Variants in YY1 observed in about 807,000 individuals in gnomAD.
YY1 encodes the protein transcriptional repressor protein YY1.
YY1 carries 2 observed loss-of-function variants against 35.6 expected under a neutral mutation model. The ratio of observed to expected loss-of-function variants is 0.06; its 90% CI spans 0.02 to 0.18. The LOEUF (loss-of-function observed/expected upper bound fraction) is 0.18, where lower values mean the gene tolerates loss of function less well. Ranked by LOEUF, YY1 falls within the 10% of genes least tolerant of loss-of-function variation. The pLI, the probability that YY1 is intolerant of heterozygous loss-of-function variation, is 1.00. For missense variants in YY1, 322 were observed against 573.4 expected, an observed-to-expected ratio of 0.56 and a Z score of 4.48; for synonymous variants, 268 against 238.9, an observed-to-expected ratio of 1.12 and a Z score of -1.12.
chr14:100,252,361 C>T (rs1314844386), intron 1 of YY1, among the ~76,000 whole-genome samples: 1 of 152,206 alleles, frequency 6.6e-6, no homozygotes, highest in Non-Finnish European at 1.5e-5. Flanking sequence ...CTTATTTATA[C>T]AATACCTTTA....
At chr14:100,271,211 C>T (rs1014464901) in intron 2 of YY1, among the ~76,000 whole-genome samples, 7 of 152,124 alleles carry the variant, frequency 4.6e-5, no homozygotes, top group African/African-American at 1.4e-4. Flanking sequence ...TGCGCCACTG[C>T]ACTCCAGCCT....
rs1051104709 is a variant in YY1 at position 100,276,891 on chromosome 14, G to A, written c.1062+243G>A. On this transcript the variant is annotated intron_variant, in intron 4 of 4. Transcript: ENST00000262238. This position sits in a 1 kb window ranked among gnomAD's most constrained non-coding sequence, Gnocchi z 4.1. ...TGGTGTTGATGGAGTACACTTTATG[G>A]CAGGAGGAGAACAGGATTGAAGAGC... 5.3e-6 allele frequency: 3 copies of A among 561,790 alleles called. No homozygotes were observed. In the East Asian group the frequency reaches 9.4e-5, roughly 18 times the overall value. The allele number at this position is 561,790 out of a possible 1,614,324, so 34.8% of individuals were successfully genotyped here. A position where few individuals can be genotyped will look rare whatever the true frequency, so the allele number is the denominator to read the frequency against.
At position 100,278,580 on chromosome 14, in the gene YY1, G is replaced by A. The variant is rs991453804; in HGVS notation, c.*980G>A. ...TTGGAAGCTAAATAAAGCAACTCAA[G>A]TTTCCTTTATTTTGCACTCAATTAC... On this transcript the variant is annotated 3_prime_UTR_variant, in exon 5 of 5. Transcript: ENST00000262238. 4.6e-5 allele frequency: 7 copies of A among 152,192 alleles called. No individual in the cohort carries two copies. The highest frequency in any genetic ancestry group is 1.4e-4 in the African/African-American group (6 of 41,450). The allele number at this position is 152,192 out of a possible 1,614,324, so 9.4% of individuals were successfully genotyped here.
chr14:100,277,244 G>T lies in YY1; in HGVS notation c.1063-174G>T. On this transcript the variant is annotated intron_variant, in intron 4 of 4. Transcript: ENST00000262238. This position sits in a 1 kb window ranked among gnomAD's most constrained non-coding sequence, Gnocchi z 5.6. ...GTGAGGGCTCTCCTTGGGTTTTCGG[G>T]GTTGTCCAACCTGCCTGCTGATTCT... The T allele has an allele frequency of 1.3e-6, 1 of 797,440 alleles. No homozygotes were observed. Among genetic ancestry groups the T allele is most frequent in the East Asian group, 2.7e-5 (1 of 37,484 alleles). The allele number at this position is 797,440 out of a possible 1,614,324, so 49.4% of individuals were successfully genotyped here.
chr14:100,268,572 C>G (rs1051678616), intron 2 of YY1, among the ~76,000 whole-genome samples: 1 of 152,132 alleles, frequency 6.6e-6, no homozygotes, highest in Non-Finnish European at 1.5e-5. Flanking sequence ...ACTACTTACC[C>G]TGAGACTTTC....
chr14:100,268,967 A>T (rs1328400236), intron 2 of YY1, among the ~76,000 whole-genome samples: 1 of 152,236 alleles, frequency 6.6e-6, no homozygotes, highest in Non-Finnish European at 1.5e-5. Context: ...CTGTGCCAGA[A>T]GTTTGGGTTC....
At chr14:100,263,057 G>A (rs1891106469) in intron 2 of YY1, among the ~76,000 whole-genome samples, 1 of 152,156 alleles carries the variant, frequency 6.6e-6, no homozygotes, top group South Asian at 2.1e-4. Flanking sequence ...ACATGCGTGT[G>A]CCACCACGCC....
Position 100,262,325 on chromosome 14 carries a change from A to G in YY1, c.701A>G (p.His234Arg), listed in dbSNP as rs1439676029. The change falls in exon 2 of 5, where the codon CAT becomes CGT. Residue 234 changes from histidine to arginine, a missense_variant. Around this residue, in one of 4 missense-constraint regions of YY1, gnomAD observed 152 missense variants for 167.1 expected, o/e 0.91. Coordinates refer to ENST00000262238, the MANE Select transcript of YY1 (RefSeq NM_003403.5). ...WSSDEKKDID[H>R]ETVVEEQIIG... is the part of the protein sequence containing the mutation. ...TCAGATGAAAAAAAAGATATTGACC[A>G]TGAGACAGTGGTTGAAGAACAGATC... 4.3e-6 allele frequency: 7 copies of G among 1,613,818 alleles called. No individual in the cohort carries two copies. Among genetic ancestry groups the G allele is most frequent in the Middle Eastern group, 1.7e-4 (1 of 5,886 alleles).
At chr14:100,245,605 G>A (rs894407961) in intron 1 of YY1, among the ~76,000 whole-genome samples, 1 of 151,928 alleles carries the variant, frequency 6.6e-6, no homozygotes, top group African/African-American at 2.4e-5. Flanking sequence ...AGTTGTTGTG[G>A]GGTTTTTTGG....
chr14:100,241,687 G>GGAACTAAAA (rs1890745236), intron 1 of YY1, among the ~76,000 whole-genome samples: 1 of 152,168 alleles, frequency 6.6e-6, no homozygotes, highest in Non-Finnish European at 1.5e-5. Flanking sequence ...TAAAAGTCAT[G>GGAACTAAAA]GTTTTGGCCG....
intron 2 of YY1, among the ~76,000 whole-genome samples, chr14:100,266,304 A>C (rs777876818): frequency 7.9e-5 from 12 of 152,138 alleles, no homozygotes; most frequent in African/African-American, 1.7e-4. Flanking sequence ...ATTCAGACAA[A>C]TAGAAGGAGA....
chr14:100,242,384 T>TG (rs370663933), intron 1 of YY1, among the ~76,000 whole-genome samples: 4,996 of 116,694 alleles, frequency 0.043, 355 homozygotes, highest in Non-Finnish European at 0.057. Context: ...TTTTGTTTTT[T>TG]TTTTTTTTTT....
rs1427313957 is a variant in YY1, at chr14:100,278,627, T to C, written c.*1027T>C. The C allele has an allele frequency of 3.9e-5, 6 of 152,244 alleles. No individual in the cohort carries two copies. Among genetic ancestry groups the C allele is most frequent in the Non-Finnish European group, 7.3e-5 (5 of 68,046 alleles). 9.4% of individuals were successfully genotyped at this position (152,244 alleles called of 1,614,324 possible). A position where few individuals can be genotyped will look rare whatever the true frequency, so the allele number is the denominator to read the frequency against. On this transcript the variant is annotated 3_prime_UTR_variant, in exon 5 of 5. Transcript: ENST00000262238. ...TTACAGTGATTATTGATGAAAGCGA[T>C]GCATGGATATTTTAATACTTCCTAC... is the stretch of plus-strand genomic sequence containing the variant.
chr14:100,253,667 T>C (rs1047440282), intron 1 of YY1, among the ~76,000 whole-genome samples: 1 of 152,022 alleles, frequency 6.6e-6, no homozygotes, highest in Non-Finnish European at 1.5e-5. Context: ...GCTGGGATTA[T>C]AGGCGTGAGC....
intron 1 of YY1, among the ~76,000 whole-genome samples, chr14:100,258,648 C>T (rs558328673): frequency 5.8e-4 from 89 of 152,314 alleles, no homozygotes; most frequent in Admixed American, 1.1e-3. Context: ...CCACCACGCC[C>T]GGCCCTCATG....
At chr14:100,267,836 T>G (rs576742075) in intron 2 of YY1, among the ~76,000 whole-genome samples, 34 of 152,188 alleles carry the variant, frequency 2.2e-4, no homozygotes, top group Non-Finnish European at 4.1e-4. Flanking sequence ...ACATAGTAGC[T>G]CTTGAAGCTC....
chr14:100,250,677 CA>C (rs1303950815), intron 1 of YY1, among the ~76,000 whole-genome samples: 1 of 151,952 alleles, frequency 6.6e-6, no homozygotes, highest in Non-Finnish European at 1.5e-5. Flanking sequence ...ATTTTTCAGC[CA>C]ATGTGACAAA....
chr14:100,255,984 A>T (rs1891000125), intron 1 of YY1, among the ~76,000 whole-genome samples: 4 of 152,090 alleles, frequency 2.6e-5, no homozygotes. Context: ...CTTTCAATGC[A>T]GTCTGAGTCA....
At chr14:100,239,952 G>C (rs1014278272) in intron 1 of YY1, 29 bp downstream of exon 1, 18 of 1,509,612 alleles carry the variant, frequency 1.2e-5, no homozygotes, top group Non-Finnish European at 1.5e-5. Context: ...CCCCGGCCCC[G>C]GGATGTTTTT....
Sources: allele counts gnomAD v4.1 joint callset (sites outside exome capture counted in the v4.1 genomes callset), GRCh38; gene constraint gnomAD v4.1.1; regional missense constraint gnomAD v4.1.1; non-coding constraint Gnocchi (gnomAD v3.1); transcripts MANE v1.5; gene names NCBI Gene and HGNC (gene_info 2026-07-23, HGNC 2026-07-21).